The following PTCHD4 variants were observed in gnomAD, a reference collection of about 807,000 sequenced individuals.
The protein encoded by PTCHD4 is patched domain-containing protein 4.
A neutral mutation model predicts 58.1 loss-of-function variants in PTCHD4; 33 were observed. The ratio of observed to expected loss-of-function variants is 0.57; its 90% CI spans 0.43 to 0.76. PTCHD4 has a LOEUF of 0.76. Ranked by LOEUF, PTCHD4 falls within the 30% of genes least tolerant of loss-of-function variation. PTCHD4 has a pLI of 0.00. For missense variants in PTCHD4, 1,058 were observed against 1,027.1 expected (o/e 1.03, Z -0.41); for synonymous variants, 478 against 409.6 (o/e 1.17, Z -2.02).
At chr6:48,097,586 C>T (rs1765500915) in intron 1 of PTCHD4, among the ~76,000 whole-genome samples, 1 of 152,150 alleles carries the variant, frequency 6.6e-6, no homozygotes, top group African/African-American at 2.4e-5. Context: ...ATAAAGTTCA[C>T]TTTGGGTCTT....
At chr6:47,893,729 A>G (rs1764447865) in intron 4 of PTCHD4, among the ~76,000 whole-genome samples, 1 of 152,218 alleles carries the variant, frequency 6.6e-6, no homozygotes, top group Non-Finnish European at 1.5e-5. Flanking sequence ...TTAAATGTTA[A>G]CTATTACTGA....
intron 4 of PTCHD4, among the ~76,000 whole-genome samples, chr6:48,004,493 A>G (rs1244260797): frequency 6.6e-6 from 1 of 152,238 alleles, no homozygotes; most frequent in Non-Finnish European, 1.5e-5. Context: ...ACACATCCAC[A>G]TAAAGCAAAT....
intron 4 of PTCHD4, among the ~76,000 whole-genome samples, chr6:47,883,123 C>A (rs201620592): frequency 6.6e-6 from 1 of 151,832 alleles, no homozygotes; most frequent in Non-Finnish European, 1.5e-5. Context: ...TCATTCAATG[C>A]AATATATATT....
chr6:47,884,088 A>G (rs1764106659), intron 4 of PTCHD4, among the ~76,000 whole-genome samples: 1 of 150,812 alleles, frequency 6.6e-6, no homozygotes, highest in Non-Finnish European at 1.5e-5. Flanking sequence ...AAGCTTATGT[A>G]TGTATGTGTG....
chr6:48,051,480 A>T (rs1764233450), intron 3 of PTCHD4, among the ~76,000 whole-genome samples: 2 of 152,028 alleles, frequency 1.3e-5, no homozygotes, highest in Admixed American at 6.6e-5. Context: ...TAGGGAAAAA[A>T]GACCAAAGGG....
chr6:48,103,906 G>T lies in PTCHD4; in HGVS notation c.-970+7143C>A, dbSNP rs528113526. On this transcript the variant is annotated intron_variant, in intron 1 of 4. Coordinates refer to ENST00000339488, the MANE Select transcript of PTCHD4 (RefSeq NM_001384253.1). ...TGTGAAGAGAAGTTTAGAGGAAAAA[G>T]AATAAAAAGAAACAAACAAAGCCTC... is the stretch of plus-strand genomic sequence containing the variant. Among the ~76,000 whole-genome samples, 23 of 152,250 alleles carry T rather than the reference G, an allele frequency of 1.5e-4. No individual in the cohort carries two copies. The South Asian group carries it at 4.6e-3, about 30-fold the overall frequency.
chr6:47,873,219 G>C lies in PTCHD4; in HGVS notation c.*5084C>G, dbSNP rs952041211. ...AATGTATTTGCCTATGATCAAGTTT[G>C]CTAGCAGTTGAGAATCTATAGTTTT... is the stretch of plus-strand genomic sequence containing the variant. On this transcript the variant is annotated 3_prime_UTR_variant, in exon 5 of 5. Coordinates refer to ENST00000339488, the MANE Select transcript of PTCHD4 (RefSeq NM_001384253.1). 1.3e-5 allele frequency among the ~76,000 whole-genome samples: 2 copies of C among 151,724 alleles called. No individual in the cohort carries two copies. The highest frequency in any genetic ancestry group is 4.8e-5 in the African/African-American group (2 of 41,378).
chr6:48,101,904 A>T (rs1765611228), intron 1 of PTCHD4, among the ~76,000 whole-genome samples: 1 of 152,096 alleles, frequency 6.6e-6, no homozygotes, highest in Non-Finnish European at 1.5e-5. Context: ...TGGGAGAGAG[A>T]TGATGCTGCC....
intron 3 of PTCHD4, among the ~76,000 whole-genome samples, chr6:48,020,227 G>T (rs1763018150): frequency 6.6e-6 from 1 of 152,070 alleles, no homozygotes; most frequent in Non-Finnish European, 1.5e-5. Context: ...TTACAGCTTT[G>T]TCTAAGGCAA....
At chr6:48,072,174 C>T (rs1242032676) in intron 1 of PTCHD4, among the ~76,000 whole-genome samples, 1 of 152,146 alleles carries the variant, frequency 6.6e-6, no homozygotes, top group Non-Finnish European at 1.5e-5. Flanking sequence ...GCTCTACCTC[C>T]TTCCTCCTTA....
At chr6:47,919,486 A>C (rs1016742984) in intron 4 of PTCHD4, among the ~76,000 whole-genome samples, 1 of 152,230 alleles carries the variant, frequency 6.6e-6, no homozygotes, top group Non-Finnish European at 1.5e-5. Flanking sequence ...GTTGGCAATT[A>C]GGAAATCAGA....
Position 48,068,637 on chromosome 6 carries a change from G to A in PTCHD4, c.10C>T (p.Pro4Ser). Residue 4 changes from proline (P) to serine (S), a missense_variant, in exon 3 of 5, where the codon CCG becomes TCG. Physicochemically the swap from Pro to Ser is moderately conservative, Grantham distance 74. Transcript: ENST00000339488. The surrounding 1 kb of genome is among the most constrained non-coding windows in gnomAD (Gnocchi z 4.2). ...CAGATCCAGCTCGCAGGCGCTCCCG[G>A]CCGTCTTAAAAAGCACATGTGACAT... MRRPGAPASWIWWR... is the reference protein window; with the variant it reads MRRSGAPASWIWWR... 1 of 1,548,098 alleles carries A rather than the reference G, an allele frequency of 6.5e-7. No homozygotes were observed. The highest frequency in any genetic ancestry group is 8.7e-7 in the Non-Finnish European group (1 of 1,152,072).
intron 3 of PTCHD4, among the ~76,000 whole-genome samples, chr6:48,019,688 A>G (rs565354183): frequency 6.6e-6 from 1 of 151,386 alleles, no homozygotes; most frequent in South Asian, 2.1e-4. Flanking sequence ...CTGAGCTGAG[A>G]TGGCACCACT....
chr6:48,051,043 A>G lies in PTCHD4; in HGVS notation c.417+17187T>C, dbSNP rs538455243. Among the ~76,000 whole-genome samples the G allele has an allele frequency of 2.6e-5, 4 of 152,184 alleles. No individual in the cohort carries two copies. In the East Asian group the frequency reaches 5.8e-4, roughly 22 times the overall value. ...AGAGACTTGGAGTCCTACAATTTGT[A>G]GATGAACATCAATTCTCAGGAACAC... On this transcript the variant is annotated intron_variant, in intron 3 of 4. Coordinates refer to ENST00000339488, the MANE Select transcript of PTCHD4 (RefSeq NM_001384253.1).
intron 4 of PTCHD4, among the ~76,000 whole-genome samples, chr6:47,965,759 T>A (rs1215883006): frequency 1.3e-5 from 2 of 152,060 alleles, no homozygotes; most frequent in African/African-American, 4.8e-5. Flanking sequence ...AAACCCCGTC[T>A]CTACTAAAAC....
chr6:48,077,114 T>C (rs749082078), intron 1 of PTCHD4, among the ~76,000 whole-genome samples: 4 of 152,232 alleles, frequency 2.6e-5, no homozygotes, highest in Non-Finnish European at 5.9e-5. Flanking sequence ...GTGATAGGTC[T>C]CAACAGCTGA....
rs112746955 is a variant in PTCHD4, at chr6:47,898,075, G to T, written c.899-18139C>A. ...TTCTCCTGCCGCAGCCTCCCGAGTA[G>T]CTGGGACTACAGGCGTGTGCCACCA... On this transcript the variant is annotated intron_variant, in intron 4 of 4. Coordinates refer to ENST00000339488, the MANE Select transcript of PTCHD4 (RefSeq NM_001384253.1). Among the ~76,000 whole-genome samples, 348 of 150,226 alleles carry T rather than the reference G, an allele frequency of 2.3e-3. 4 individuals are homozygous for T. The highest frequency in any genetic ancestry group is 0.017 in the South Asian group (79 of 4,632).
intron 4 of PTCHD4, among the ~76,000 whole-genome samples, chr6:47,996,885 G>A (rs1285248298): frequency 6.6e-6 from 1 of 151,924 alleles, no homozygotes; most frequent in African/African-American, 2.4e-5. Context: ...TACACTCAGG[G>A]GTATAACACT....
At chr6:47,961,295 T>C (rs1011232148) in intron 4 of PTCHD4, among the ~76,000 whole-genome samples, 5 of 151,704 alleles carry the variant, frequency 3.3e-5, no homozygotes, top group Non-Finnish European at 7.4e-5. Context: ...TTCTTTCTTT[T>C]TTTTTTTTCT....
Sources: gnomAD v4.1 joint callset for allele counts (sites outside exome capture counted in the v4.1 genomes callset) on GRCh38, gnomAD v4.1.1 for gene constraint, Gnocchi (gnomAD v3.1) non-coding constraint, MANE v1.5 for transcripts, NCBI Gene and HGNC (gene_info 2026-07-23, HGNC 2026-07-21) for gene names.